VAV3: variants seen among roughly 807,000 people sequenced by gnomAD.
VAV3 encodes vav guanine nucleotide exchange factor 3.
Under a neutral mutation model 131.2 loss-of-function variants are expected in VAV3, and 94 were observed. That is an observed-to-expected ratio of 0.72 (90% confidence interval 0.61 to 0.85). VAV3 has a LOEUF of 0.85. Among genes scored for constraint, VAV3 ranks in the 40% least tolerant of loss-of-function variants. The pLI is 0.00. For synonymous variants in VAV3, 349 were observed against 342.0 expected (o/e 1.02, Z -0.22); for missense variants, 939 against 1,002.7 (o/e 0.94, Z 0.86).
Position 107,772,757 on chromosome 1 carries a change from T to G in VAV3, c.533A>C (p.Lys178Thr). 6.2e-7 allele frequency: 1 copy of G among 1,613,692 alleles called. No homozygotes were observed. Among genetic ancestry groups the G allele is most frequent in the Admixed American group, 1.7e-5 (1 of 59,990 alleles). ...EGGEVYEDLMKAEEAHQPKCP... is the reference protein window; with the variant it reads ...EGGEVYEDLMTAEEAHQPKCP... ...TACGGGCTGATGTGCTTCCTCTGCC[T>G]TCATTAAGTCCTCATAGACTTCTCC... is the stretch of plus-strand genomic sequence containing the variant. Residue 178 changes from lysine to threonine, a missense_variant, in exon 5 of 27, where the codon AAG becomes ACG. Coordinates refer to ENST00000370056, the MANE Select transcript of VAV3 (RefSeq NM_006113.5).
intron 2 of VAV3, among the ~76,000 whole-genome samples, chr1:107,782,126 A>C (rs1665722545): frequency 6.6e-6 from 1 of 152,182 alleles, no homozygotes; most frequent in African/African-American, 2.4e-5. Flanking sequence ...CTGTGGTCCC[A>C]GCATATATCA....
chr1:107,641,905 T>G (rs958877644), intron 20 of VAV3, among the ~76,000 whole-genome samples: 1 of 152,174 alleles, frequency 6.6e-6, no homozygotes, highest in African/African-American at 2.4e-5. Flanking sequence ...CAATTTTTGT[T>G]GCAACTTTGG....
intron 25 of VAV3, chr1:107,576,381 T>C: frequency 6.7e-7 from 1 of 1,494,010 alleles, no homozygotes; most frequent in East Asian, 2.5e-5. Flanking sequence ...ATAAAAGTAG[T>C]AAAGCAGTAC....
intron 1 of VAV3, among the ~76,000 whole-genome samples, chr1:107,943,129 T>C (rs773698717): frequency 5.3e-5 from 8 of 152,198 alleles, no homozygotes; most frequent in Non-Finnish European, 1.0e-4. Context: ...GCACACCAGA[T>C]CTCCTACTCT....
At chr1:107,678,401 T>G (rs1658365095) in intron 19 of VAV3, among the ~76,000 whole-genome samples, 2 of 152,204 alleles carry the variant, frequency 1.3e-5, no homozygotes, top group Admixed American at 6.5e-5. Flanking sequence ...GAAACTTTAC[T>G]ATTTATTATA....
At chr1:107,890,240 A>T (rs1375177279) in intron 1 of VAV3, among the ~76,000 whole-genome samples, 1 of 152,196 alleles carries the variant, frequency 6.6e-6, no homozygotes, top group Non-Finnish European at 1.5e-5. Context: ...CATATATCAT[A>T]TATATTGTTA....
At chr1:107,742,100 G>T (rs1663054446) in intron 15 of VAV3, among the ~76,000 whole-genome samples, 1 of 152,192 alleles carries the variant, frequency 6.6e-6, no homozygotes, top group Non-Finnish European at 1.5e-5. Context: ...GCTGCTGGTA[G>T]AGAACATGTT....
intron 25 of VAV3, among the ~76,000 whole-genome samples, chr1:107,581,585 G>T (rs1195155305): frequency 6.6e-6 from 1 of 152,158 alleles, no homozygotes; most frequent in Non-Finnish European, 1.5e-5. Flanking sequence ...ATCATTAGTG[G>T]TTATTATTCA....
At chr1:107,683,373 C>T in intron 19 of VAV3, 115 bp downstream of exon 19, 1 of 1,236,552 alleles carries the variant, frequency 8.1e-7, no homozygotes, top group South Asian at 1.3e-5. Context: ...CATTATACAC[C>T]AAATTATGAG....
chr1:107,789,070 G>C (rs541053370), intron 2 of VAV3, among the ~76,000 whole-genome samples: 75 of 152,300 alleles, frequency 4.9e-4, no homozygotes, highest in African/African-American at 1.7e-3. Context: ...CCTTTGAATG[G>C]ACATGCCCCA....
chr1:107,834,645 C>A (rs1668393457), intron 2 of VAV3, among the ~76,000 whole-genome samples: 1 of 151,244 alleles, frequency 6.6e-6, no homozygotes, highest in African/African-American at 2.4e-5. Flanking sequence ...AGCCAGGAAG[C>A]CCCTCTCCCA....
intron 19 of VAV3, among the ~76,000 whole-genome samples, chr1:107,663,011 G>A (rs1657135241): frequency 6.6e-6 from 1 of 152,112 alleles, no homozygotes; most frequent in South Asian, 2.1e-4. Context: ...TTCTTTACAA[G>A]TCTAAGCATA....
At position 107,714,538 on chromosome 1, in the gene VAV3, T is replaced by C. The variant is rs183849387; in HGVS notation, c.1503-9477A>G. ...TTCCAGGATAAAATCCAAGTATTTA[T>C]TTTTAAAATATCTTATATTGTGAAA... On this transcript the variant is annotated intron_variant, in intron 15 of 26. Transcript: ENST00000370056. Among the ~76,000 whole-genome samples, 517 of 152,286 alleles carry C rather than the reference T, an allele frequency of 3.4e-3. 2 individuals carry two copies. Among genetic ancestry groups the C allele is most frequent in the African/African-American group, 0.012 (496 of 41,590 alleles).
At chr1:107,819,375 A>G (rs927850062) in intron 2 of VAV3, among the ~76,000 whole-genome samples, 4 of 152,166 alleles carry the variant, frequency 2.6e-5, no homozygotes, top group African/African-American at 9.7e-5. Context: ...CAAAAACAAG[A>G]GAAAATGATA....
At chr1:107,755,534 T>C in intron 11 of VAV3, 21 bp from the exon 12 acceptor site, 1 of 1,578,584 alleles carries the variant, frequency 6.3e-7, no homozygotes, top group Admixed American at 1.7e-5. Flanking sequence ...AAGAAAAGGG[T>C]AGAAAAAGAA....
At chr1:107,709,275 T>C (rs1557780904) in intron 15 of VAV3, among the ~76,000 whole-genome samples, 1 of 152,162 alleles carries the variant, frequency 6.6e-6, no homozygotes, top group Non-Finnish European at 1.5e-5. Flanking sequence ...TCAAACATTC[T>C]ACCAGGAAAA....
intron 25 of VAV3, among the ~76,000 whole-genome samples, chr1:107,574,472 T>C (rs1183143716): frequency 4.6e-5 from 7 of 152,016 alleles, no homozygotes; most frequent in Admixed American, 2.0e-4. Flanking sequence ...TTTATAAAAA[T>C]GAAACAAAAC....
intron 19 of VAV3, among the ~76,000 whole-genome samples, chr1:107,653,615 CAGAT>C (rs1656330708): frequency 6.6e-6 from 1 of 151,982 alleles, no homozygotes; most frequent in Non-Finnish European, 1.5e-5. Flanking sequence ...GAATTCAAGT[CAGAT>C]AGAACCATTT....
At chr1:107,658,720 T>C (rs1385328207) in intron 19 of VAV3, among the ~76,000 whole-genome samples, 1 of 152,220 alleles carries the variant, frequency 6.6e-6, no homozygotes, top group Admixed American at 6.5e-5. Flanking sequence ...CATTTTTTCA[T>C]GTGTTTTTTG....
Sources: allele counts gnomAD v4.1 joint callset (sites outside exome capture counted in the v4.1 genomes callset), GRCh38; gene constraint gnomAD v4.1.1; transcripts MANE v1.5; gene names NCBI Gene and HGNC (gene_info 2026-07-23, HGNC 2026-07-21).